Variants in UNC79 observed in about 807,000 individuals in gnomAD.
The protein encoded by UNC79 is unc-79 subunit of NALCN channel complex, also known as protein unc-79 homolog.
UNC79 carries 37 observed loss-of-function variants against 283.1 expected under a neutral mutation model. That is an observed-to-expected ratio of 0.13 (90% CI 0.10 to 0.17). UNC79 has a LOEUF of 0.17. Among genes scored for constraint, UNC79 ranks in the 10% least tolerant of loss-of-function variants. The pLI, the probability that UNC79 is intolerant of heterozygous loss-of-function variation, is 1.00. For synonymous variants in UNC79, 1,107 were observed against 1,200.2 expected, an observed-to-expected ratio of 0.92 and a Z score of 1.61; for missense variants, 2,272 against 3,211.1, an observed-to-expected ratio of 0.71 and a Z score of 7.07.
chr14:93,604,645 T>C (rs1020634755), intron 26 of UNC79, among the ~76,000 whole-genome samples: 28 of 152,246 alleles, frequency 1.8e-4, no homozygotes, highest in African/African-American at 6.5e-4. Flanking sequence ...GAATATAAAG[T>C]ATATTTATTG....
intron 1 of UNC79, among the ~76,000 whole-genome samples, 167 bp downstream of exon 1, chr14:93,431,218 G>A (rs1294928769): frequency 1.3e-5 from 2 of 150,978 alleles, no homozygotes; most frequent in South Asian, 2.1e-4. Context: ...GAGGGTGGAC[G>A]TTAATGGCAG....
chr14:93,459,033 C>A (rs921391352), intron 1 of UNC79, among the ~76,000 whole-genome samples: 1 of 152,190 alleles, frequency 6.6e-6, no homozygotes. Context: ...AGGCTTCACT[C>A]AAGGCTGCAG....
At chr14:93,647,822 TC>T in intron 35 of UNC79, among the ~76,000 whole-genome samples, 1 of 152,286 alleles carries the variant, frequency 6.6e-6, no homozygotes, top group Admixed American at 6.5e-5. Flanking sequence ...GACTCACAGT[TC>T]CACATGGCTG....
chr14:93,636,788 C>T (rs1010148257), intron 31 of UNC79, among the ~76,000 whole-genome samples: 2 of 152,210 alleles, frequency 1.3e-5, no homozygotes, highest in South Asian at 4.1e-4. Context: ...CCTGTCATTT[C>T]CTTCTACCAG....
intron 12 of UNC79, among the ~76,000 whole-genome samples, chr14:93,539,339 G>A (rs1467693842): frequency 6.7e-6 from 1 of 150,192 alleles, no homozygotes; most frequent in Non-Finnish European, 1.5e-5. Context: ...TGACCAACAT[G>A]GTGAAACCCC....
chr14:93,681,833 G>T (rs2073868373), intron 41 of UNC79, among the ~76,000 whole-genome samples: 1 of 152,224 alleles, frequency 6.6e-6, no homozygotes, highest in Non-Finnish European at 1.5e-5. Flanking sequence ...GTCAAAATCT[G>T]TAATGAAGCA....
At chr14:93,679,464 A>T (rs956426635) in intron 41 of UNC79, among the ~76,000 whole-genome samples, 2 of 152,214 alleles carry the variant, frequency 1.3e-5, no homozygotes, top group African/African-American at 4.8e-5. Flanking sequence ...TCTCAAAAAA[A>T]AAAAGTAGAT....
intron 42 of UNC79, among the ~76,000 whole-genome samples, chr14:93,684,356 C>T (rs1026137325): frequency 2.0e-4 from 31 of 152,136 alleles, no homozygotes; most frequent in African/African-American, 7.5e-4. Flanking sequence ...AATAAATATG[C>T]ACATGTTTTA....
At chr14:93,448,007 A>T (rs1951711) in intron 1 of UNC79, among the ~76,000 whole-genome samples, 105,888 of 151,926 alleles carry the variant, frequency 0.7, 37,310 homozygotes, top group Middle Eastern at 0.78. Flanking sequence ...TGTCATTTCA[A>T]GTCTGAAAAT....
intron 46 of UNC79, among the ~76,000 whole-genome samples, chr14:93,693,430 GA>G (rs1440951131): frequency 6.6e-6 from 1 of 152,136 alleles, no homozygotes; most frequent in Non-Finnish European, 1.5e-5. Context: ...TGTTACAAAT[GA>G]ATTTGTTGCA....
intron 31 of UNC79, among the ~76,000 whole-genome samples, chr14:93,635,064 G>T (rs1219502064): frequency 6.6e-6 from 1 of 152,188 alleles, no homozygotes; most frequent in Non-Finnish European, 1.5e-5. Context: ...ATCATGATCT[G>T]CCAGTAGGTT....
intron 1 of UNC79, among the ~76,000 whole-genome samples, chr14:93,448,186 T>G (rs971890005): frequency 6.6e-6 from 1 of 151,828 alleles, no homozygotes; most frequent in Non-Finnish European, 1.5e-5. Flanking sequence ...TTTTTTTTTT[T>G]TTAAATCGTT....
At chr14:93,668,550 A>C (rs1279716776) in intron 40 of UNC79, among the ~76,000 whole-genome samples, 1 of 123,268 alleles carries the variant, frequency 8.1e-6, no homozygotes, top group Non-Finnish European at 1.6e-5. Context: ...ATCTCTATAC[A>C]AAAAAAAAAT....
At chr14:93,614,349 G>A (rs888029685) in intron 27 of UNC79, among the ~76,000 whole-genome samples, 10 of 150,684 alleles carry the variant, frequency 6.6e-5, no homozygotes, top group Non-Finnish European at 1.0e-4. Flanking sequence ...ACGGAGTCTC[G>A]CTGTGTGGCC....
At chr14:93,386,613 G>C (rs1005864245) in intron 1 of UNC79, among the ~76,000 whole-genome samples, 7 of 152,106 alleles carry the variant, frequency 4.6e-5, no homozygotes, top group Non-Finnish European at 1.0e-4. Flanking sequence ...TTTCTTTGAT[G>C]GGAGACTATT....
intron 7 of UNC79, among the ~76,000 whole-genome samples, chr14:93,498,932 G>C (rs1484142376): frequency 1.3e-5 from 2 of 152,138 alleles, no homozygotes; most frequent in Non-Finnish European, 2.9e-5. Flanking sequence ...GTTATTGTAG[G>C]ATTGCACACT....
At position 93,617,341 on chromosome 14, in the gene UNC79, G is replaced by T. The variant is rs1377708220; in HGVS notation, c.4224+37G>T. The T allele has an allele frequency of 1.9e-6, 3 of 1,607,198 alleles. No individual in the cohort carries two copies. Among genetic ancestry groups the T allele is most frequent in the Middle Eastern group, 1.7e-4 (1 of 6,054 alleles). ...GGTCACTGCTGTTTTGGATGCAATG[G>T]TTCTCTTAGAGAGCATATAGCATTA... On this transcript the variant is annotated intron_variant, in intron 28 of 48. Transcript: ENST00000555664. This position sits in a 1 kb window ranked among gnomAD's most constrained non-coding sequence, Gnocchi z 4.5.
At chr14:93,404,327 T>TAGA (rs2055171202) in intron 1 of UNC79, among the ~76,000 whole-genome samples, 1 of 137,066 alleles carries the variant, frequency 7.3e-6, no homozygotes, top group African/African-American at 2.7e-5. Context: ...TCTACAAAAA[T>TAGA]AAAAAAAAAA....
chr14:93,653,243 G>C (rs997612656), intron 35 of UNC79, among the ~76,000 whole-genome samples: 1 of 151,896 alleles, frequency 6.6e-6, no homozygotes. Flanking sequence ...TCAAAGTCCA[G>C]CCTTTTTACA....
Sources: allele counts gnomAD v4.1 joint callset (sites outside exome capture counted in the v4.1 genomes callset), GRCh38; gene constraint gnomAD v4.1.1; non-coding constraint Gnocchi (gnomAD v3.1); transcripts MANE v1.5; gene names NCBI Gene and HGNC (gene_info 2026-07-23, HGNC 2026-07-21).